HDHD2: variants seen among roughly 807,000 people sequenced by gnomAD.
The protein encoded by HDHD2 is haloacid dehalogenase like hydrolase domain containing 2.
Under a neutral mutation model 24.8 loss-of-function variants are expected in HDHD2, and 26 were observed. The ratio of observed to expected loss-of-function variants is 1.05; its 90% CI spans 0.77 to 1.45. The LOEUF is 1.45. HDHD2 is among the 40% of genes most tolerant of loss of function. The pLI is 0.00. For missense variants in HDHD2, 299 were observed against 313.4 expected, an observed-to-expected ratio of 0.95 and a Z score of 0.35; for synonymous variants, 128 against 114.9, an observed-to-expected ratio of 1.11 and a Z score of -0.73.
intron 5 of HDHD2, among the ~76,000 whole-genome samples, chr18:47,114,367 C>T (rs1314471656): frequency 6.6e-6 from 1 of 152,188 alleles, no homozygotes; most frequent in African/African-American, 2.4e-5. Context: ...TGATTCACCT[C>T]TTTGGGCTTC....
rs923045756 is a variant in HDHD2, at chr18:47,119,819, G to A, written c.396-4471C>T. Among the ~76,000 whole-genome samples, 3 of 150,706 alleles carry A rather than the reference G, an allele frequency of 2.0e-5. No individual in the cohort carries two copies. The East Asian group carries it at 6.0e-4, about 30-fold the overall frequency. Reference sequence around the variant, plus strand: ...CCTTACAAAATATATTTTTTAAATAGTAAGACTTGAAAGTCAAAACGACTC... The same window carrying A: ...CCTTACAAAATATATTTTTTAAATAATAAGACTTGAAAGTCAAAACGACTC... On this transcript the variant is annotated intron_variant, in intron 4 of 6. Transcript: ENST00000300605.
intron 4 of HDHD2, 77 bp from the exon 5 acceptor site, chr18:47,115,425 C>T: frequency 9.9e-7 from 1 of 1,012,812 alleles, no homozygotes; most frequent in Non-Finnish European, 1.5e-6. Context: ...GTCAGACTTA[C>T]AAAGTGGCTG....
chr18:47,143,699 A>G (rs1337963411), intron 1 of HDHD2, among the ~76,000 whole-genome samples: 1 of 152,212 alleles, frequency 6.6e-6, no homozygotes, highest in Admixed American at 6.5e-5. Context: ...GCTCCATTTT[A>G]TTTTTAACTC....
Position 47,123,229 on chromosome 18 carries a change from G to A in HDHD2, c.395+7015C>T, listed in dbSNP as rs948156124. Among the ~76,000 whole-genome samples, 6 of 152,298 alleles carry A rather than the reference G, an allele frequency of 3.9e-5. No individual in the cohort carries two copies. In the East Asian group the frequency reaches 1.2e-3, roughly 29 times the overall value. On this transcript the variant is annotated intron_variant, in intron 4 of 6. Transcript: ENST00000300605. ...AATGGAAGAAGACTGCTGGACAGAAGATTAACATACAAAAACCCAATTAGC... is the reference window on the plus strand; with the variant it reads ...AATGGAAGAAGACTGCTGGACAGAAAATTAACATACAAAAACCCAATTAGC...
At chr18:47,134,101 T>C (rs1305203338) in intron 3 of HDHD2, among the ~76,000 whole-genome samples, 1 of 152,232 alleles carries the variant, frequency 6.6e-6, no homozygotes, top group Non-Finnish European at 1.5e-5. Flanking sequence ...AGGGTTTTTA[T>C]GGTTTTATGA....
intron 1 of HDHD2, among the ~76,000 whole-genome samples, chr18:47,147,620 GAACA>G (rs1313059346): frequency 6.6e-6 from 1 of 152,080 alleles, no homozygotes; most frequent in Non-Finnish European, 1.5e-5. Context: ...GGTGATTAAA[GAACA>G]AATATGAACA....
chr18:47,111,320 C>T (rs1273571467), intron 6 of HDHD2: 1 of 977,040 alleles, frequency 1.0e-6, no homozygotes, highest in Non-Finnish European at 1.2e-6. Context: ...AAGACACTGA[C>T]AGAGGTACCA....
At chr18:47,120,881 A>G (rs143942214) in intron 4 of HDHD2, among the ~76,000 whole-genome samples, 22 of 152,294 alleles carry the variant, frequency 1.4e-4, no homozygotes, top group Admixed American at 3.3e-4. Context: ...CACACACAAC[A>G]TTAAATTTGC....
At chr18:47,118,301 A>G (rs1035325263) in intron 4 of HDHD2, among the ~76,000 whole-genome samples, 2 of 152,214 alleles carry the variant, frequency 1.3e-5, no homozygotes, top group Non-Finnish European at 2.9e-5. Flanking sequence ...ACATGCATGC[A>G]TATGTTCACT....
intron 4 of HDHD2, among the ~76,000 whole-genome samples, chr18:47,123,956 T>C (rs1185983358): frequency 6.6e-6 from 1 of 152,220 alleles, no homozygotes; most frequent in Non-Finnish European, 1.5e-5. Context: ...ACCAGATATT[T>C]AGGCTTATTA....
intron 4 of HDHD2, among the ~76,000 whole-genome samples, chr18:47,118,278 C>G (rs2063573293): frequency 6.6e-6 from 1 of 152,082 alleles, no homozygotes; most frequent in South Asian, 2.1e-4. Context: ...ATAGATCATT[C>G]TATTATAAAG....
rs767880342 is a variant in HDHD2, at chr18:47,115,234, T to C, written c.510A>G (p.Thr170=). 3.1e-6 allele frequency: 5 copies of C among 1,613,964 alleles called. No homozygotes were observed. Among genetic ancestry groups the C allele is most frequent in the African/African-American group, 2.7e-5 (2 of 74,944 alleles). ...GPFVTALEYA[T]DTKATVVGKP... ...TCCCCACGACTGTGGCTTTGGTATC[T>C]GTGGCATACTCTAAAGCAGTCACAA... Residue 170 remains threonine, a synonymous_variant, in exon 5 of 7, where the codon ACA becomes ACG. Coordinates refer to ENST00000300605, the MANE Select transcript of HDHD2 (RefSeq NM_032124.5).
rs1190046960 is a variant in HDHD2, at chr18:47,115,352, G to C, written c.396-4C>G. 6.2e-7 allele frequency: 1 copy of C among 1,606,862 alleles called. No homozygotes were observed. Among genetic ancestry groups the C allele is most frequent in the East Asian group, 2.2e-5 (1 of 44,814 alleles). On this transcript the variant is annotated splice_polypyrimidine_tract_variant and splice_region_variant and intron_variant, in intron 4 of 6. Transcript: ENST00000300605. ...AGGTGCTCCATCCAGGAGTAACCTA[G>C]AGAGAACAACAACAAAAAAAACAAA... is the stretch of plus-strand genomic sequence containing the variant.
rs201360848 is a variant in HDHD2 at position 47,134,655 on chromosome 18, C to G, written c.151G>C (p.Glu51Gln). 62 of 1,614,214 alleles carry G rather than the reference C, an allele frequency of 3.8e-5. No homozygotes were observed. The highest frequency in any genetic ancestry group is 5.1e-5 in the Non-Finnish European group (60 of 1,180,038). ...IIRFVTNTTK[E>Q]SKQDLLERLR... ...CTTTCTAACAGGTCTTGCTTGCTCT[C>G]TTTGGTTGTATTGGTCACAAACCTA... The change falls in exon 3 of 7, where the codon GAG becomes CAG. Residue 51 changes from glutamate to glutamine, a missense_variant. Transcript: ENST00000300605.
In HDHD2 at chr18:47,144,066, CAT is replaced by C. The variant is rs1491483432; in HGVS notation, c.-11+6310_-11+6311del. Among the ~76,000 whole-genome samples the C allele has an allele frequency of 1.3e-3, 192 of 152,016 alleles. 1 individual carries two copies. The highest frequency in any genetic ancestry group is 3.4e-3 in the Middle Eastern group (1 of 294). Reference sequence around the variant, plus strand: ...ACAATACTAGATAAAAAATTATACACATGTGTGTGTGCACGTCTGCACGCATG... The same window carrying C: ...ACAATACTAGATAAAAAATTATACACGTGTGTGTGCACGTCTGCACGCATG... On this transcript the variant is annotated intron_variant, in intron 1 of 6. Transcript: ENST00000300605.
At chr18:47,121,487 T>A (rs2063606592) in intron 4 of HDHD2, among the ~76,000 whole-genome samples, 1 of 152,228 alleles carries the variant, frequency 6.6e-6, no homozygotes, top group Non-Finnish European at 1.5e-5. Context: ...CAAAATTGTC[T>A]TACTCTTTCA....
In HDHD2 at chr18:47,134,517, G is replaced by T. The variant is rs777943774; in HGVS notation, c.289C>A (p.Arg97=). 1 of 1,613,786 alleles carries T rather than the reference G, an allele frequency of 6.2e-7. No individual in the cohort carries two copies. Among genetic ancestry groups the T allele is most frequent in the African/African-American group, 1.3e-5 (1 of 74,898 alleles). Residue 97 remains arginine (R), a synonymous_variant, in exon 3 of 7, where the codon CGG becomes AGG. Coordinates refer to ENST00000300605, the MANE Select transcript of HDHD2 (RefSeq NM_032124.5). The part of the protein sequence containing the change: ...QVRPMLLVDD[R]ALPDFKGIQT... ...CTACCTTTGAAATCAGGTAGTGCCC[G>T]ATCATCAACTAGCAGCATGGGTCTG...
At chr18:47,109,972 G>C (rs1372250776) in intron 6 of HDHD2, 2 of 985,154 alleles carry the variant, frequency 2.0e-6, no homozygotes, top group Admixed American at 6.1e-5. Context: ...GAGGGAAGAA[G>C]AGAGGGGAGG....
At chr18:47,111,709 G>A (rs2063517669) in intron 6 of HDHD2, 1 of 985,286 alleles carries the variant, frequency 1.0e-6, no homozygotes, top group Admixed American at 6.1e-5. Flanking sequence ...GGAGCAAGCA[G>A]ACAGTGTTTT....
Sources: gnomAD v4.1 joint callset for allele counts (sites outside exome capture counted in the v4.1 genomes callset) on GRCh38, gnomAD v4.1.1 for gene constraint, MANE v1.5 for transcripts, NCBI Gene and HGNC (gene_info 2026-07-23, HGNC 2026-07-21) for gene names.